The following LMX1A variants were observed in gnomAD, a reference collection of about 807,000 sequenced individuals.
LMX1A encodes LIM homeobox transcription factor 1 alpha.
A neutral mutation model predicts 49.1 loss-of-function variants in LMX1A; 15 were observed. That is an observed-to-expected ratio of 0.31 (90% confidence interval 0.20 to 0.47). LMX1A has a LOEUF of 0.47. Ranked by LOEUF, LMX1A falls within the 20% of genes least tolerant of loss-of-function variation. The pLI is 1.00. For missense variants in LMX1A, 372 were observed against 475.8 expected (o/e 0.78, Z 2.03); for synonymous variants, 167 against 185.7 (o/e 0.90, Z 0.82).
intron 3 of LMX1A, among the ~76,000 whole-genome samples, chr1:165,292,696 G>T (rs573544619): frequency 1.3e-5 from 2 of 152,154 alleles, no homozygotes; most frequent in Admixed American, 1.3e-4. Context: ...CTATATGTTG[G>T]AACTCAGAGA....
chr1:165,248,906 A>T (rs1652953751), intron 4 of LMX1A, among the ~76,000 whole-genome samples: 1 of 152,218 alleles, frequency 6.6e-6, no homozygotes, highest in African/African-American at 2.4e-5. Flanking sequence ...ATATTAGCAG[A>T]CATGATGTGT....
intron 3 of LMX1A, among the ~76,000 whole-genome samples, chr1:165,301,262 C>T (rs759486455): frequency 3.9e-5 from 6 of 152,110 alleles, no homozygotes; most frequent in African/African-American, 9.7e-5. Flanking sequence ...ACCTGCCTCT[C>T]GTCCCACCTG....
chr1:165,287,880 A>G (rs1488233395), intron 3 of LMX1A, among the ~76,000 whole-genome samples: 1 of 152,238 alleles, frequency 6.6e-6, no homozygotes, highest in Non-Finnish European at 1.5e-5. Context: ...TTTCCCAGGA[A>G]TGCTGCTATT....
chr1:165,297,721 C>T (rs1338399559), intron 3 of LMX1A, among the ~76,000 whole-genome samples: 1 of 152,108 alleles, frequency 6.6e-6, no homozygotes, highest in East Asian at 1.9e-4. Flanking sequence ...TTTCTGAGAC[C>T]CTCCACAACC....
chr1:165,317,577 A>T (rs889461579), intron 3 of LMX1A, among the ~76,000 whole-genome samples: 30 of 152,250 alleles, frequency 2.0e-4, no homozygotes, highest in African/African-American at 7.0e-4. Context: ...AACCACTGGG[A>T]CACAGGTCCA....
chr1:165,346,158 A>T (rs1191824306), intron 3 of LMX1A, among the ~76,000 whole-genome samples: 1 of 152,214 alleles, frequency 6.6e-6, no homozygotes, highest in African/African-American at 2.4e-5. Flanking sequence ...TCCAATCCAT[A>T]GTGGCCAGAC....
At chr1:165,353,013 CAA>C in intron 3 of LMX1A, 61 bp downstream of exon 3, 1 of 1,550,546 alleles carries the variant, frequency 6.4e-7, no homozygotes, top group Non-Finnish European at 8.9e-7. Context: ...TAAAGGAGGA[CAA>C]AGTCCTCGAC....
intron 4 of LMX1A, among the ~76,000 whole-genome samples, chr1:165,222,808 G>A (rs1382620546): frequency 6.6e-6 from 1 of 152,196 alleles, no homozygotes; most frequent in African/African-American, 2.4e-5. Flanking sequence ...ATACCCAGCC[G>A]GGTCTATGCC....
intron 3 of LMX1A, among the ~76,000 whole-genome samples, chr1:165,255,433 C>G (rs140760087): frequency 4.5e-4 from 68 of 152,312 alleles, no homozygotes; most frequent in African/African-American, 1.6e-3. Context: ...GTGAGAGAGC[C>G]TGGGTTCTCA....
At chr1:165,330,734 T>C (rs1249401502) in intron 3 of LMX1A, among the ~76,000 whole-genome samples, 1 of 152,190 alleles carries the variant, frequency 6.6e-6, no homozygotes, top group South Asian at 2.1e-4. Flanking sequence ...GGAAAACCCA[T>C]AGTCTTACTG....
chr1:165,271,776 A>C lies in LMX1A; in HGVS notation c.264-22136T>G, dbSNP rs577544844. Among the ~76,000 whole-genome samples the C allele has an allele frequency of 2.6e-5, 4 of 152,074 alleles. No homozygotes were observed. In the East Asian group the frequency reaches 7.8e-4, roughly 30 times the overall value. ...GATGTGCCAAGCCAGAGGAAGCCAG[A>C]AGAGCTGACTCTTGAGGGCTGGGAA... is the stretch of plus-strand genomic sequence containing the variant. On this transcript the variant is annotated intron_variant, in intron 3 of 8. Transcript: ENST00000342310.
chr1:165,343,753 C>G (rs1571234036), intron 3 of LMX1A, among the ~76,000 whole-genome samples: 1 of 152,136 alleles, frequency 6.6e-6, no homozygotes. Flanking sequence ...GTGCATAATA[C>G]TGGCCAGCCA....
intron 3 of LMX1A, among the ~76,000 whole-genome samples, chr1:165,345,861 C>T (rs10753676): frequency 0.3 from 46,238 of 152,084 alleles, 7,587 homozygotes; most frequent in East Asian, 0.63. Context: ...AAGACTCTGT[C>T]GCTACTAAAT....
chr1:165,315,683 A>G (rs1472789809), intron 3 of LMX1A, among the ~76,000 whole-genome samples: 1 of 152,132 alleles, frequency 6.6e-6, no homozygotes, highest in Non-Finnish European at 1.5e-5. Flanking sequence ...CAGCCTTGAG[A>G]TCTGGCCCCC....
chr1:165,315,503 A>G lies in LMX1A; in HGVS notation c.263+37573T>C, dbSNP rs138733944. The stretch of plus-strand genomic sequence containing the variant: ...TAACAGCTGTAATTGGCATTATGGA[A>G]GAAGGTTAAAATAAATTACTTGTAG... On this transcript the variant is annotated intron_variant, in intron 3 of 8. Coordinates refer to ENST00000342310, the MANE Select transcript of LMX1A (RefSeq NM_177398.4). Among the ~76,000 whole-genome samples the G allele has an allele frequency of 7.9e-5, 12 of 152,358 alleles. No homozygotes were observed. The East Asian group carries it at 2.1e-3, about 27-fold the overall frequency.
intron 3 of LMX1A, among the ~76,000 whole-genome samples, chr1:165,308,636 C>G (rs956080096): frequency 6.6e-6 from 1 of 152,350 alleles, no homozygotes; most frequent in East Asian, 1.9e-4. Context: ...ATAATCCCCA[C>G]TTTACAGGCA....
At chr1:165,254,223 C>G (rs1653154366) in intron 3 of LMX1A, among the ~76,000 whole-genome samples, 1 of 152,098 alleles carries the variant, frequency 6.6e-6, no homozygotes, top group Non-Finnish European at 1.5e-5. Flanking sequence ...TTCTTGCTTT[C>G]TTAATTTCAT....
intron 4 of LMX1A, among the ~76,000 whole-genome samples, chr1:165,236,793 A>G (rs1460985616): frequency 7.9e-6 from 1 of 126,388 alleles, no homozygotes; most frequent in East Asian, 2.4e-4. Flanking sequence ...AAAAAAAAAA[A>G]TCCCAGGCTG....
chr1:165,227,618 A>G (rs1347932624), intron 4 of LMX1A, among the ~76,000 whole-genome samples: 1 of 151,940 alleles, frequency 6.6e-6, no homozygotes, highest in East Asian at 1.9e-4. Flanking sequence ...AGCAGTCTAG[A>G]GCTTTGAGTC....
Sources: gnomAD v4.1 joint callset for allele counts (sites outside exome capture counted in the v4.1 genomes callset) on GRCh38, gnomAD v4.1.1 for gene constraint, MANE v1.5 for transcripts, NCBI Gene and HGNC (gene_info 2026-07-23, HGNC 2026-07-21) for gene names.